Variants in TSHZ2 observed in about 807,000 individuals in gnomAD.
The protein encoded by TSHZ2 is teashirt homolog 2.
Under a neutral mutation model 74.4 loss-of-function variants are expected in TSHZ2, and 21 were observed. The observed-to-expected ratio is 0.28, with a 90% CI of 0.20 to 0.41. TSHZ2 has a LOEUF of 0.41. Ranked by LOEUF, TSHZ2 falls within the 10% of genes least tolerant of loss-of-function variation. The pLI is 1.00. For missense variants in TSHZ2, 1,244 were observed against 1,293.5 expected, an observed-to-expected ratio of 0.96 and a Z score of 0.59; for synonymous variants, 540 against 515.3, an observed-to-expected ratio of 1.05 and a Z score of -0.65.
intron 1 of TSHZ2, among the ~76,000 whole-genome samples, chr20:53,139,519 T>C (rs1286931186): frequency 2.6e-5 from 4 of 152,204 alleles, no homozygotes; most frequent in Non-Finnish European, 5.9e-5. Context: ...TGGAGTACTT[T>C]CCTTCATTCC....
At chr20:53,177,407 C>G (rs1444388488) in intron 1 of TSHZ2, among the ~76,000 whole-genome samples, 2 of 152,186 alleles carry the variant, frequency 1.3e-5, no homozygotes, top group Admixed American at 6.5e-5. Flanking sequence ...CTGGGGATCT[C>G]ATTAAAATGT....
intron 2 of TSHZ2, among the ~76,000 whole-genome samples, chr20:53,323,083 C>T (rs1163705691): frequency 6.6e-6 from 1 of 152,208 alleles, no homozygotes; most frequent in Non-Finnish European, 1.5e-5. Context: ...TGGGACAAGT[C>T]GGTCACCCTG....
intron 1 of TSHZ2, among the ~76,000 whole-genome samples, chr20:53,165,109 A>G (rs1313409504): frequency 6.6e-6 from 1 of 152,040 alleles, no homozygotes; most frequent in African/African-American, 2.4e-5. Flanking sequence ...GGATGGATGG[A>G]TGGATGGATG....
intron 1 of TSHZ2, among the ~76,000 whole-genome samples, chr20:53,011,722 G>C (rs1982858049): frequency 6.6e-6 from 1 of 152,082 alleles, no homozygotes; most frequent in South Asian, 2.1e-4. Context: ...TTATATAAGA[G>C]GAAAATTAAA....
chr20:53,304,693 G>A (rs1476910730), intron 2 of TSHZ2, among the ~76,000 whole-genome samples: 2 of 152,118 alleles, frequency 1.3e-5, no homozygotes, highest in African/African-American at 2.4e-5. Flanking sequence ...ATGCAGTGGC[G>A]CAATCTTGGC....
intron 2 of TSHZ2, among the ~76,000 whole-genome samples, chr20:53,372,535 G>GGGAA (rs1981514477): frequency 6.6e-6 from 1 of 151,924 alleles, no homozygotes; most frequent in Non-Finnish European, 1.5e-5. Flanking sequence ...GAGGGAGGAA[G>GGGAA]GGAAGGAAGG....
intron 2 of TSHZ2, among the ~76,000 whole-genome samples, chr20:53,405,671 C>A (rs1982824899): frequency 6.6e-6 from 1 of 152,132 alleles, no homozygotes; most frequent in Admixed American, 6.5e-5. Flanking sequence ...TGATGAGAGA[C>A]AAGAGGAAAA....
chr20:53,444,618 T>TAAAC (rs1370357658), intron 2 of TSHZ2, among the ~76,000 whole-genome samples: 1 of 152,176 alleles, frequency 6.6e-6, no homozygotes, highest in Non-Finnish European at 1.5e-5. Flanking sequence ...CATCCGTAAG[T>TAAAC]AAACACTGAA....
intron 1 of TSHZ2, among the ~76,000 whole-genome samples, chr20:52,989,164 C>CA (rs3995491): frequency 0.33 from 41,277 of 126,000 alleles, 7,058 homozygotes; most frequent in Non-Finnish European, 0.44. Context: ...CTCTGTCTGG[C>CA]AAAAAAAAAA....
At chr20:53,424,940 C>T (rs1207748848) in intron 2 of TSHZ2, among the ~76,000 whole-genome samples, 2 of 152,084 alleles carry the variant, frequency 1.3e-5, no homozygotes, top group Non-Finnish European at 2.9e-5. Flanking sequence ...GTATATATAC[C>T]ACATTTTCTT....
intron 2 of TSHZ2, among the ~76,000 whole-genome samples, chr20:53,277,556 C>A (rs965575345): frequency 6.6e-6 from 1 of 152,034 alleles, no homozygotes; most frequent in African/African-American, 2.4e-5. Flanking sequence ...GCCATCAAAA[C>A]TTTGTTTTTC....
intron 2 of TSHZ2, among the ~76,000 whole-genome samples, chr20:53,411,519 T>C (rs1485848980): frequency 6.6e-6 from 1 of 151,540 alleles, no homozygotes; most frequent in East Asian, 2.1e-4. Flanking sequence ...TTTCCTCACC[T>C]TAAAAAAAGT....
chr20:53,017,438 A>T (rs1983078349), intron 1 of TSHZ2, among the ~76,000 whole-genome samples: 1 of 151,982 alleles, frequency 6.6e-6, no homozygotes, highest in Non-Finnish European at 1.5e-5. Flanking sequence ...ACGGGCCAAC[A>T]TTTTTTTTCT....
chr20:53,289,998 A>G (rs979768238), intron 2 of TSHZ2, among the ~76,000 whole-genome samples: 1 of 152,224 alleles, frequency 6.6e-6, no homozygotes, highest in African/African-American at 2.4e-5. Context: ...TGGCCTGAGA[A>G]TGAGATTTAG....
intron 1 of TSHZ2, among the ~76,000 whole-genome samples, chr20:53,122,108 G>A (rs926070360): frequency 6.6e-6 from 1 of 151,930 alleles, no homozygotes. Context: ...GCAACATGGA[G>A]AAACTCTGTC....
intron 2 of TSHZ2, among the ~76,000 whole-genome samples, chr20:53,283,476 C>G (rs1991103862): frequency 6.6e-6 from 1 of 152,152 alleles, no homozygotes; most frequent in Non-Finnish European, 1.5e-5. Context: ...GCGCCTTGAC[C>G]ATCACCACAC....
chr20:53,228,204 T>A (rs1170962626), intron 1 of TSHZ2, among the ~76,000 whole-genome samples: 1 of 151,700 alleles, frequency 6.6e-6, no homozygotes, highest in Non-Finnish European at 1.5e-5. Context: ...GAAGTTAGCC[T>A]CAGGACTCTG....
At chr20:53,466,112 T>C (rs1024882065) in intron 2 of TSHZ2, among the ~76,000 whole-genome samples, 2 of 152,060 alleles carry the variant, frequency 1.3e-5, no homozygotes, top group African/African-American at 4.8e-5. Context: ...CTGGGTGTGA[T>C]GGCACATGCC....
intron 2 of TSHZ2, among the ~76,000 whole-genome samples, chr20:53,469,589 G>C (rs1164441156): frequency 1.7e-5 from 1 of 57,712 alleles, no homozygotes; most frequent in African/African-American, 6.4e-5. Flanking sequence ...AGGAAGGAAG[G>C]AAGGAAGGAC....
Sources: allele counts gnomAD v4.1 joint callset (sites outside exome capture counted in the v4.1 genomes callset), GRCh38; gene constraint gnomAD v4.1.1; transcripts MANE v1.5; gene names NCBI Gene and HGNC (gene_info 2026-07-23, HGNC 2026-07-21).